Variants in ADAMTS20 observed in about 807,000 individuals in gnomAD.
ADAMTS20 encodes A disintegrin and metalloproteinase with thrombospondin motifs 20.
In ADAMTS20, 225 loss-of-function variants were observed where a neutral mutation model predicts 260.1. The ratio of observed to expected loss-of-function variants is 0.87; its 90% confidence interval spans 0.78 to 0.97. The LOEUF is 0.97. Among genes scored for constraint, ADAMTS20 ranks in the 50% least tolerant of loss-of-function variants. The pLI, the probability that ADAMTS20 is intolerant of heterozygous loss-of-function variation, is 0.00. For synonymous variants in ADAMTS20, 802 were observed against 769.5 expected, an observed-to-expected ratio of 1.04 and a Z score of -0.70; for missense variants, 2,400 against 2,337.7, an observed-to-expected ratio of 1.03 and a Z score of -0.55.
intron 3 of ADAMTS20, among the ~76,000 whole-genome samples, chr12:43,509,943 G>A (rs892985093): frequency 1.6e-4 from 24 of 152,060 alleles, no homozygotes; most frequent in Non-Finnish European, 1.6e-4. Flanking sequence ...ATGAATATTA[G>A]GAAGAAAATT....
intron 10 of ADAMTS20, 52 bp from the exon 11 acceptor site, chr12:43,463,051 C>T: frequency 1.6e-6 from 2 of 1,260,782 alleles, no homozygotes; most frequent in Admixed American, 4.0e-5. Context: ...CACCACAACA[C>T]TGGTTCAATT....
chr12:43,419,061 A>T (rs898948391), intron 28 of ADAMTS20, among the ~76,000 whole-genome samples: 3 of 152,150 alleles, frequency 2.0e-5, no homozygotes, highest in East Asian at 1.9e-4. Flanking sequence ...TACTACTTTT[A>T]AAAAAATTAA....
rs1943231679 is a variant in ADAMTS20 at position 43,532,166 on chromosome 12, T to G, written c.483A>C (p.Glu161Asp). 6.2e-7 allele frequency: 1 copy of G among 1,610,484 alleles called. No homozygotes were observed. The highest frequency in any genetic ancestry group is 8.5e-7 in the Non-Finnish European group (1 of 1,178,558). ...CCTTCATTATAGGTTCTAAGAAATA[T>G]TCACCGTTCTGTCCTTTAAATGTTC... is the stretch of plus-strand genomic sequence containing the variant. ...LTGTFKGQNG[E>D]YFLEPIMKAD... The change falls in exon 3 of 39, where the codon GAA becomes GAC. Residue 161 changes from glutamate (E) to aspartate (D), a missense_variant. Physicochemically the swap from Glu to Asp is conservative, Grantham distance 45. Transcript: ENST00000389420.
intron 36 of ADAMTS20, among the ~76,000 whole-genome samples, chr12:43,369,618 A>G (rs1940063568): frequency 6.6e-6 from 1 of 152,178 alleles, no homozygotes; most frequent in Non-Finnish European, 1.5e-5. Flanking sequence ...GGGCAAGCAC[A>G]TTTGTAATTA....
At chr12:43,460,985 T>C (rs1942051248) in intron 11 of ADAMTS20, among the ~76,000 whole-genome samples, 1 of 60,986 alleles carries the variant, frequency 1.6e-5, no homozygotes, top group Non-Finnish European at 3.1e-5. Context: ...TATATATATA[T>C]ATATTTTTTT....
intron 3 of ADAMTS20, among the ~76,000 whole-genome samples, chr12:43,517,775 C>T (rs1943019255): frequency 6.6e-6 from 1 of 151,972 alleles, no homozygotes; most frequent in African/African-American, 2.4e-5. Flanking sequence ...CATATCAAGA[C>T]TTATAACAGA....
At chr12:43,535,235 A>G (rs781705231) in intron 2 of ADAMTS20, among the ~76,000 whole-genome samples, 4 of 152,190 alleles carry the variant, frequency 2.6e-5, no homozygotes, top group Non-Finnish European at 5.9e-5. Flanking sequence ...CTACTGCTGA[A>G]GAGACTATCT....
intron 36 of ADAMTS20, among the ~76,000 whole-genome samples, chr12:43,370,287 CTG>C (rs1224863792): frequency 6.6e-6 from 1 of 152,212 alleles, no homozygotes; most frequent in African/African-American, 2.4e-5. Context: ...AGAGCCAACT[CTG>C]TGCATTTCTT....
chr12:43,495,229 A>T (rs1942660785), intron 4 of ADAMTS20, among the ~76,000 whole-genome samples: 1 of 152,234 alleles, frequency 6.6e-6, no homozygotes, highest in South Asian at 2.1e-4. Flanking sequence ...ATTAAAATAT[A>T]TTACTACAGC....
At chr12:43,471,278 C>T (rs978381343) in intron 7 of ADAMTS20, among the ~76,000 whole-genome samples, 2 of 152,168 alleles carry the variant, frequency 1.3e-5, no homozygotes, top group African/African-American at 2.4e-5. Context: ...CTTTTCAGAC[C>T]GGCTTAAAAC....
chr12:43,408,468 A>C (rs1161919995), intron 28 of ADAMTS20, among the ~76,000 whole-genome samples: 1 of 152,230 alleles, frequency 6.6e-6, no homozygotes, highest in Admixed American at 6.5e-5. Context: ...AGTTCCCACA[A>C]ATGTTTTATG....
At chr12:43,536,839 A>G (rs1943301979) in intron 2 of ADAMTS20, among the ~76,000 whole-genome samples, 1 of 152,168 alleles carries the variant, frequency 6.6e-6, no homozygotes, top group Non-Finnish European at 1.5e-5. Context: ...TCACACAAAT[A>G]TATTTACCTA....
intron 2 of ADAMTS20, among the ~76,000 whole-genome samples, chr12:43,548,572 G>A (rs117533349): frequency 1.4e-3 from 217 of 152,204 alleles, no homozygotes; most frequent in Non-Finnish European, 2.3e-3. Flanking sequence ...AAATTTAATC[G>A]TAGAGTCAGT....
chr12:43,483,526 G>A (rs1942473277), intron 7 of ADAMTS20, among the ~76,000 whole-genome samples: 1 of 152,126 alleles, frequency 6.6e-6, no homozygotes. Flanking sequence ...ATCCCCACAG[G>A]AGGAACACCC....
At chr12:43,537,119 G>A (rs1432830625) in intron 2 of ADAMTS20, among the ~76,000 whole-genome samples, 1 of 151,916 alleles carries the variant, frequency 6.6e-6, no homozygotes, top group African/African-American at 2.4e-5. Context: ...ACCAAGGCCG[G>A]AGTGCAGTGG....
At chr12:43,382,150 T>C (rs78984759) in intron 31 of ADAMTS20, among the ~76,000 whole-genome samples, 1,833 of 152,158 alleles carry the variant, frequency 0.012, 43 homozygotes, top group African/African-American at 0.039. Flanking sequence ...CCCAAGAAAA[T>C]TGAAAACATA....
chr12:43,482,076 G>GAGAAGGAA (rs1421762931), intron 7 of ADAMTS20, among the ~76,000 whole-genome samples: 1 of 152,176 alleles, frequency 6.6e-6, no homozygotes, highest in Non-Finnish European at 1.5e-5. Context: ...GGGAATATAT[G>GAGAAGGAA]AGAAGGAACG....
Position 43,468,692 on chromosome 12 carries a change from T to G in ADAMTS20, c.1131A>C (p.Leu377Phe). ...EKCNMLGLSY[L>F]GTICDPLQSC... ...TTTGTAAAGGATCACATATGGTACC[T>G]AAATATGATAAACCTGAAAAATTTC... Residue 377 changes from leucine (L) to phenylalanine (F), a missense_variant, in exon 8 of 39, where the codon TTA becomes TTC. Physicochemically the swap from Leu to Phe is conservative, Grantham distance 22. Coordinates refer to ENST00000389420, the MANE Select transcript of ADAMTS20 (RefSeq NM_025003.5). 2 of 1,575,942 alleles carry G rather than the reference T, an allele frequency of 1.3e-6. No individual in the cohort carries two copies. Among genetic ancestry groups the G allele is most frequent in the Non-Finnish European group, 1.7e-6 (2 of 1,157,018 alleles).
intron 36 of ADAMTS20, among the ~76,000 whole-genome samples, chr12:43,371,096 C>G (rs910766271): frequency 6.6e-6 from 1 of 152,152 alleles, no homozygotes; most frequent in Non-Finnish European, 1.5e-5. Flanking sequence ...CTGCTCCCTG[C>G]GAACTTTTCT....
Sources: allele counts gnomAD v4.1 joint callset (sites outside exome capture counted in the v4.1 genomes callset), GRCh38; gene constraint gnomAD v4.1.1; transcripts MANE v1.5; gene names NCBI Gene and HGNC (gene_info 2026-07-23, HGNC 2026-07-21).